HPD: variants seen among roughly 807,000 people sequenced by gnomAD.
HPD encodes the protein 4-hydroxyphenylpyruvate dioxygenase.
Under a neutral mutation model 56.9 loss-of-function variants are expected in HPD, and 35 were observed. That is an observed-to-expected ratio of 0.62 (90% CI 0.47 to 0.82). The LOEUF (loss-of-function observed/expected upper bound fraction) is 0.82. HPD is among the 40% of genes least tolerant of loss of function. The pLI is 0.00. For missense variants in HPD, 442 were observed against 506.8 expected (o/e 0.87, Z 1.23); for synonymous variants, 186 against 200.2 (o/e 0.93, Z 0.60).
intron 4 of HPD, 85 bp downstream of exon 4, chr12:121,857,243 C>A (rs1878034583): frequency 1.1e-6 from 1 of 905,000 alleles, no homozygotes. Context: ...TCATGCCCAG[C>A]TAATTTTTCT....
chr12:121,851,569 C>T lies in HPD; in HGVS notation c.415-1779G>A, dbSNP rs575485579. 1.8e-3 allele frequency among the ~76,000 whole-genome samples: 278 copies of T among 151,574 alleles called. 1 individual carries two copies. Among genetic ancestry groups the T allele is most frequent in the African/African-American group, 6.5e-3 (268 of 41,340 alleles). ...ACGTTGGCCAGGCTGGTCTCGAACT[C>T]CTGAACTCAGGTGATCCACCTGCCT... On this transcript the variant is annotated intron_variant, in intron 7 of 13. Transcript: ENST00000289004.
the HPD span, among the ~76,000 whole-genome samples, chr12:121,886,172 G>A: frequency 6.8e-6 from 1 of 146,366 alleles, no homozygotes; most frequent in African/African-American, 2.5e-5. Context: ...GCAGTGGCAC[G>A]ATCTCTGCTC....
At chr12:121,864,992 G>T (rs1280043184), upstream of HPD, among the ~76,000 whole-genome samples, 6 of 151,998 alleles carry the variant, frequency 3.9e-5, no homozygotes, top group Non-Finnish European at 8.8e-5. Flanking sequence ...AAACGTCTGG[G>T]CATATTGGCT....
At chr12:121,851,037 A>C (rs1877755168) in intron 7 of HPD, among the ~76,000 whole-genome samples, 1 of 151,684 alleles carries the variant, frequency 6.6e-6, no homozygotes, top group Non-Finnish European at 1.5e-5. Flanking sequence ...CCAATTTTGT[A>C]TTTTTAGTAG....
In HPD at chr12:121,849,674, G is replaced by A. The variant is rs760728213; in HGVS notation, c.518+13C>T. 8 of 1,571,904 alleles carry A rather than the reference G, an allele frequency of 5.1e-6. No homozygotes were observed. The highest frequency in any genetic ancestry group is 1.7e-5 in the Admixed American group (1 of 59,966). On this transcript the variant is annotated intron_variant, in intron 8 of 13. Coordinates refer to ENST00000289004, the MANE Select transcript of HPD (RefSeq NM_002150.3). ...AGGGCTTTCCACCCACCTCTGCCCT[G>A]AGGGACACTCACAGTTTAGGAAGTA...
chr12:121,858,978 G>C (rs1360268616), upstream of HPD: 1 of 811,840 alleles, frequency 1.2e-6, no homozygotes, highest in East Asian at 2.6e-5. Flanking sequence ...CAGGCCTGGG[G>C]ACCTCTGATC....
At chr12:121,878,880 G>C in the HPD span, among the ~76,000 whole-genome samples, 1 of 151,552 alleles carries the variant, frequency 6.6e-6, no homozygotes, top group Non-Finnish European at 1.5e-5. Flanking sequence ...TCACTATGTT[G>C]TCTCGGCTGG....
chr12:121,844,644 G>C (rs978871502), intron 11 of HPD, among the ~76,000 whole-genome samples: 1 of 151,870 alleles, frequency 6.6e-6, no homozygotes, highest in Non-Finnish European at 1.5e-5. Flanking sequence ...AGCACATTGG[G>C]AGGCCAAGAT....
intron 7 of HPD, among the ~76,000 whole-genome samples, chr12:121,850,954 C>G (rs1877751617): frequency 6.6e-6 from 1 of 151,340 alleles, no homozygotes; most frequent in Non-Finnish European, 1.5e-5. Context: ...ACGTCTGCCT[C>G]CCGGGTTCAA....
the HPD span, among the ~76,000 whole-genome samples, chr12:121,876,655 C>T: frequency 6.6e-6 from 1 of 152,120 alleles, no homozygotes; most frequent in Non-Finnish European, 1.5e-5. Flanking sequence ...CATACGTCTC[C>T]CACCCTTCAG....
Position 121,849,819 on chromosome 12 carries a change from C to T in HPD, c.415-29G>A, listed in dbSNP as rs572003940. On this transcript the variant is annotated intron_variant, in intron 7 of 13. Coordinates refer to ENST00000289004, the MANE Select transcript of HPD (RefSeq NM_002150.3). ...CGGGTGGAAAACAGCCTGGCTCGGC[C>T]CCTGGGCACCCATCCCCGCCGAGGA... 9.3e-5 allele frequency: 136 copies of T among 1,466,960 alleles called. No homozygotes were observed. In the South Asian group the frequency reaches 1.4e-3, roughly 15 times the overall value. 90.9% of individuals were successfully genotyped at this position (1,466,960 alleles called of 1,614,324 possible).
upstream of HPD, among the ~76,000 whole-genome samples, chr12:121,865,761 G>A (rs889803519): frequency 6.6e-6 from 1 of 151,642 alleles, no homozygotes; most frequent in African/African-American, 2.4e-5. Context: ...AGGCCAAAGC[G>A]GGAGGATCAC....
At chr12:121,881,820 G>GTTTTTTTTTTTTTTTTTTTTTTTTTT in the HPD span, among the ~76,000 whole-genome samples, 1 of 137,198 alleles carries the variant, frequency 7.3e-6, no homozygotes, top group Non-Finnish European at 1.6e-5. Flanking sequence ...CTAATTTTTT[G>GTTTTTTTTTTTTTTTTTTTTTTTTTT]TATTTTTAAT....
the HPD span, among the ~76,000 whole-genome samples, chr12:121,883,180 TTGTGTGTGTGTGTGTGTGTGTG>T: frequency 3.3e-4 from 38 of 115,458 alleles, no homozygotes; most frequent in African/African-American, 9.6e-4. Flanking sequence ...GGAGCATAAG[TTGTGTGTGTGTGTGTGTGTGTG>T]TGTGTGTGTG....
chr12:121,875,007 G>A, the HPD span, among the ~76,000 whole-genome samples: 1 of 152,162 alleles, frequency 6.6e-6, no homozygotes, highest in African/African-American at 2.4e-5. Context: ...TGATCTGTCT[G>A]CCTCAGCCTC....
chr12:121,848,934 G>T lies in HPD; in HGVS notation c.596+65C>A. On this transcript the variant is annotated intron_variant, in intron 9 of 13. Transcript: ENST00000289004. ...TTTTCCATGTTAGTGCAAGGACCAG[G>T]GAGTGGGCCAGTCCACCGTGAGGAC... is the stretch of plus-strand genomic sequence containing the variant. 22 of 1,152,346 alleles carry T rather than the reference G, an allele frequency of 1.9e-5. No homozygotes were observed. The South Asian group carries it at 2.7e-4, about 14-fold the overall frequency. The allele number at this position is 1,152,346 out of a possible 1,614,324, so 71.4% of individuals were successfully genotyped here. A position where few individuals can be genotyped will look rare whatever the true frequency, so the allele number is the denominator to read the frequency against.
chr12:121,861,780 T>A (rs1878180035), upstream of HPD, among the ~76,000 whole-genome samples: 1 of 152,170 alleles, frequency 6.6e-6, no homozygotes, highest in Non-Finnish European at 1.5e-5. Context: ...CTGACAGACT[T>A]AAAGGGCTTA....
upstream of HPD, chr12:121,858,938 T>C: frequency 7.9e-7 from 1 of 1,267,178 alleles, no homozygotes; most frequent in Non-Finnish European, 1.1e-6. Flanking sequence ...GGGGATGGGG[T>C]GGGGAGCTGA....
upstream of HPD, among the ~76,000 whole-genome samples, chr12:121,864,743 C>T (rs891343850): frequency 1.3e-5 from 2 of 151,296 alleles, no homozygotes; most frequent in African/African-American, 4.9e-5. Flanking sequence ...GTCCCAGCTA[C>T]TTGGGAGGCT....
Sources: allele counts gnomAD v4.1 joint callset (sites outside exome capture counted in the v4.1 genomes callset), GRCh38; gene constraint gnomAD v4.1.1; transcripts MANE v1.5; gene names NCBI Gene and HGNC (gene_info 2026-07-23, HGNC 2026-07-21).